The following RBFOX1 variants were observed in gnomAD, a reference collection of about 807,000 sequenced individuals.
RBFOX1 encodes RNA binding fox-1 homolog 1.
Under a neutral mutation model 57.7 loss-of-function variants are expected in RBFOX1, and 8 were observed. The observed-to-expected ratio is 0.14, with a 90% CI of 0.08 to 0.25. RBFOX1 has a LOEUF of 0.25. RBFOX1 is among the 10% of genes least tolerant of loss of function. The pLI, the probability that RBFOX1 is intolerant of heterozygous loss-of-function variation, is 1.00. For missense variants in RBFOX1, 611 were observed against 548.5 expected (o/e 1.11, Z -1.14); for synonymous variants, 326 against 222.4 (o/e 1.47, Z -4.15).
At chr16:5,290,608 G>A (rs2063509699) in intron 1 of RBFOX1, among the ~76,000 whole-genome samples, 1 of 152,118 alleles carries the variant, frequency 6.6e-6, no homozygotes, top group Admixed American at 6.5e-5. Flanking sequence ...TTAAGGAGAG[G>A]CCTAGGGGGT....
chr16:5,276,716 A>G (rs1003900971), intron 1 of RBFOX1, among the ~76,000 whole-genome samples: 1 of 152,180 alleles, frequency 6.6e-6, no homozygotes, highest in African/African-American at 2.4e-5. Context: ...CCAGGATGCA[A>G]GGTTGCAGTG....
intron 3 of RBFOX1, among the ~76,000 whole-genome samples, chr16:5,797,159 A>T (rs1373379796): frequency 1.3e-5 from 2 of 152,166 alleles, no homozygotes; most frequent in African/African-American, 4.8e-5. Flanking sequence ...CTGAGACCTG[A>T]AGGATAAAAG....
chr16:5,551,542 G>A (rs577996880), intron 2 of RBFOX1, among the ~76,000 whole-genome samples: 18 of 152,300 alleles, frequency 1.2e-4, no homozygotes, highest in Non-Finnish European at 2.5e-4. Flanking sequence ...TCTGCTTTGG[G>A]ACTGTGTTCC....
intron 1 of RBFOX1, among the ~76,000 whole-genome samples, chr16:5,293,237 G>T (rs1012554253): frequency 2.6e-5 from 4 of 152,038 alleles, no homozygotes; most frequent in Non-Finnish European, 4.4e-5. Flanking sequence ...AGGAGTTATC[G>T]CTTGAACCTG....
rs1170024775 is a variant in RBFOX1 at position 6,779,921 on chromosome 16, A to G, written c.-16+125271A>G. 2.8e-5 allele frequency among the ~76,000 whole-genome samples: 2 copies of G among 72,052 alleles called. 1 individual carries two copies. Among genetic ancestry groups the G allele is most frequent in the Non-Finnish European group, 4.6e-5 (2 of 43,862 alleles). The allele number at this position is 72,052 out of a possible 152,430, so 47.3% of individuals were successfully genotyped here. A position where few individuals can be genotyped will look rare whatever the true frequency, so the allele number is the denominator to read the frequency against. ...TATTTATATATATTTATATATTTATATATATTTATATATATTTATATATAT... is the reference window on the plus strand; with the variant it reads ...TATTTATATATATTTATATATTTATGTATATTTATATATATTTATATATAT... On this transcript the variant is annotated intron_variant, in intron 3 of 15. Transcript: ENST00000550418.
intron 2 of RBFOX1, among the ~76,000 whole-genome samples, chr16:6,360,527 A>T (rs2088258990): frequency 6.6e-6 from 1 of 152,180 alleles, no homozygotes; most frequent in South Asian, 2.1e-4. Context: ...ACAGTCTTGA[A>T]AGTCTCTACT....
intron 1 of RBFOX1, among the ~76,000 whole-genome samples, chr16:6,147,640 G>A (rs1283511219): frequency 6.6e-6 from 1 of 151,954 alleles, no homozygotes; most frequent in African/African-American, 2.4e-5. Flanking sequence ...ATCAAGGTTG[G>A]GGAAAAAAAG....
chr16:6,676,732 A>T (rs545252109), intron 3 of RBFOX1, among the ~76,000 whole-genome samples: 1 of 126,148 alleles, frequency 7.9e-6, no homozygotes, highest in Admixed American at 1.0e-4. Flanking sequence ...CTGGAGTGCC[A>T]TGGTGCGATC....
At chr16:5,735,068 G>A (rs532177687) in intron 3 of RBFOX1, among the ~76,000 whole-genome samples, 11 of 152,168 alleles carry the variant, frequency 7.2e-5, no homozygotes, top group Non-Finnish European at 1.6e-4. Flanking sequence ...GAAGGAATGG[G>A]GGCCATGCCT....
intron 1 of RBFOX1, among the ~76,000 whole-genome samples, chr16:5,416,778 T>C (rs1432972112): frequency 6.6e-6 from 1 of 152,154 alleles, no homozygotes; most frequent in Non-Finnish European, 1.5e-5. Context: ...TTCATGCAGA[T>C]AGGAACAAAG....
intron 4 of RBFOX1, among the ~76,000 whole-genome samples, chr16:5,970,223 C>T (rs777076085): frequency 1.3e-5 from 2 of 152,094 alleles, no homozygotes; most frequent in African/African-American, 4.8e-5. Context: ...TTCATGAAGG[C>T]ACTTTGTTGT....
intron 3 of RBFOX1, among the ~76,000 whole-genome samples, chr16:6,750,057 G>A (rs960273057): frequency 6.6e-6 from 1 of 152,112 alleles, no homozygotes; most frequent in African/African-American, 2.4e-5. Flanking sequence ...CTATCAACTA[G>A]GGGCTAACAT....
chr16:7,641,699 G>A (rs9940891), intron 11 of RBFOX1, among the ~76,000 whole-genome samples: 45,215 of 151,844 alleles, frequency 0.3, 8,385 homozygotes, highest in African/African-American at 0.53. Flanking sequence ...TGGTTTTACA[G>A]CATTTTTCTT....
In RBFOX1 at chr16:7,579,919, G is replaced by C. The variant is rs747242541; in HGVS notation, c.413G>C (p.Gly138Ala). 1.2e-6 allele frequency: 2 copies of C among 1,614,010 alleles called. No individual in the cohort carries two copies. Among genetic ancestry groups the C allele is most frequent in the Non-Finnish European group, 1.7e-6 (2 of 1,179,932 alleles). Residue 138 changes from glycine (G) to alanine (A), a missense_variant and splice_region_variant, in exon 6 of 16, where the codon GGT becomes GCT. Physicochemically the swap from Gly to Ala is moderately conservative, Grantham distance 60 (BLOSUM62 0). This residue lies in a region of RBFOX1 where 99 missense variants were observed against 160.3 expected (regional missense o/e 0.62). Coordinates refer to ENST00000550418, the MANE Select transcript of RBFOX1 (RefSeq NM_018723.4). ...FRDPDLRQMF[G>A]QFGKILDVEI... is the part of the protein sequence containing the mutation. The stretch of plus-strand genomic sequence containing the variant: ...GATCCGGACCTCAGACAAATGTTTG[G>C]TGTAAGTATCACCTTTCTTCCCAGC...
rs1339738128 is a variant in RBFOX1, at chr16:7,711,830, A to G, written c.*1085A>G. On this transcript the variant is annotated 3_prime_UTR_variant, in exon 16 of 16. Coordinates refer to ENST00000550418, the MANE Select transcript of RBFOX1 (RefSeq NM_018723.4). Reference sequence around the variant, plus strand: ...ATAGAAGCATTTTACAAGTATTGCAATCATTGAGTAGAGATAATCATGGTA... The same window carrying G: ...ATAGAAGCATTTTACAAGTATTGCAGTCATTGAGTAGAGATAATCATGGTA... 2 of 152,586 alleles carry G rather than the reference A, an allele frequency of 1.3e-5. No homozygotes were observed. Among genetic ancestry groups the G allele is most frequent in the African/African-American group, 4.8e-5 (2 of 41,444 alleles). 9.5% of individuals were successfully genotyped at this position (152,586 alleles called of 1,614,324 possible). A position where few individuals can be genotyped will look rare whatever the true frequency, so the allele number is the denominator to read the frequency against.
chr16:7,662,450 A>G (rs188987707), intron 12 of RBFOX1, among the ~76,000 whole-genome samples: 101 of 152,268 alleles, frequency 6.6e-4, no homozygotes, highest in African/African-American at 2.3e-3. Context: ...CAATGACTCA[A>G]TCTCCTTCTG....
intron 2 of RBFOX1, among the ~76,000 whole-genome samples, chr16:6,629,678 C>T (rs2098358548): frequency 6.6e-6 from 1 of 152,092 alleles, no homozygotes; most frequent in East Asian, 1.9e-4. Flanking sequence ...TAATTAACAG[C>T]AGGTGAGTCT....
intron 3 of RBFOX1, among the ~76,000 whole-genome samples, chr16:6,824,670 C>G (rs1338203066): frequency 1.3e-5 from 2 of 152,144 alleles, no homozygotes; most frequent in Admixed American, 1.3e-4. Flanking sequence ...GGATTCATCA[C>G]TCACTACCTT....
At chr16:6,422,763 C>G (rs1232551295) in intron 2 of RBFOX1, among the ~76,000 whole-genome samples, 2 of 152,104 alleles carry the variant, frequency 1.3e-5, no homozygotes, top group African/African-American at 4.8e-5. Flanking sequence ...CCAAATCATT[C>G]CTGATAAATC....
Sources: allele counts gnomAD v4.1 joint callset (sites outside exome capture counted in the v4.1 genomes callset), GRCh38; gene constraint gnomAD v4.1.1; regional missense constraint gnomAD v4.1.1; transcripts MANE v1.5; gene names NCBI Gene and HGNC (gene_info 2026-07-23, HGNC 2026-07-21).